Variants in LRP11 observed in about 807,000 individuals in gnomAD.
The protein encoded by LRP11 is low-density lipoprotein receptor-related protein 11.
LRP11 carries 25 observed loss-of-function variants against 43.1 expected under a neutral mutation model. The ratio of observed to expected loss-of-function variants is 0.58; its 90% confidence interval spans 0.42 to 0.81. The LOEUF (loss-of-function observed/expected upper bound fraction) is 0.81, where lower values mean the gene tolerates loss of function less well. Among genes scored for constraint, LRP11 ranks in the 30% least tolerant of loss-of-function variants. The pLI is 0.00. For missense variants in LRP11, 623 were observed against 665.1 expected, an observed-to-expected ratio of 0.94 and a Z score of 0.70; for synonymous variants, 316 against 299.4, an observed-to-expected ratio of 1.06 and a Z score of -0.57.
At chr6:149,844,656 A>G (rs1776604841) in intron 2 of LRP11, among the ~76,000 whole-genome samples, 1 of 152,250 alleles carries the variant, frequency 6.6e-6, no homozygotes, top group Non-Finnish European at 1.5e-5. Flanking sequence ...TGTCCTCTGC[A>G]GAATGCTGAC....
At chr6:149,850,682 T>G (rs1413919696) in intron 2 of LRP11, among the ~76,000 whole-genome samples, 1 of 152,218 alleles carries the variant, frequency 6.6e-6, no homozygotes, top group Non-Finnish European at 1.5e-5. Flanking sequence ...GAAATCTTAT[T>G]TTCTCTAGGG....
In LRP11 at chr6:149,820,469, G is replaced by C; in HGVS notation, c.*80C>G. On this transcript the variant is annotated 3_prime_UTR_variant, in exon 7 of 7. Coordinates refer to ENST00000239367, the MANE Select transcript of LRP11 (RefSeq NM_032832.6). Reference sequence around the variant, plus strand: ...TCTGGCCCAATTAAAAACAAAAGAAGCTGTAAATATCCAGAACTTAATAGA... The same window carrying C: ...TCTGGCCCAATTAAAAACAAAAGAACCTGTAAATATCCAGAACTTAATAGA... 1 of 597,040 alleles carries C rather than the reference G, an allele frequency of 1.7e-6. No individual in the cohort carries two copies. 37.0% of individuals were successfully genotyped at this position (597,040 alleles called of 1,614,324 possible).
In LRP11 at chr6:149,836,067, C is replaced by T; in HGVS notation, c.1252+18G>A. ...AGAAAACAAGGTTCTTCATTGAGAA[C>T]CCACCGTGAATCCTTACCTGGCATC... On this transcript the variant is annotated intron_variant, in intron 5 of 6. Coordinates refer to ENST00000239367, the MANE Select transcript of LRP11 (RefSeq NM_032832.6). The T allele has an allele frequency of 6.2e-7, 1 of 1,607,844 alleles. No individual in the cohort carries two copies.
At chr6:149,849,766 C>T (rs1423009861) in intron 2 of LRP11, among the ~76,000 whole-genome samples, 1 of 152,184 alleles carries the variant, frequency 6.6e-6, no homozygotes, top group African/African-American at 2.4e-5. Context: ...ATGAATGAGA[C>T]AAGTCAGGAA....
intron 2 of LRP11, among the ~76,000 whole-genome samples, chr6:149,848,430 A>T (rs1339610590): frequency 6.6e-6 from 1 of 152,210 alleles, no homozygotes; most frequent in Admixed American, 6.5e-5. Flanking sequence ...ACATGCATGC[A>T]TACGTTCACT....
At chr6:149,846,223 C>T (rs571714238) in intron 2 of LRP11, among the ~76,000 whole-genome samples, 77 of 152,256 alleles carry the variant, frequency 5.1e-4, no homozygotes, top group African/African-American at 1.4e-3. Context: ...GAGAGGTGGG[C>T]GGGTGTGTCA....
chr6:149,862,030 G>A (rs1044317197), intron 1 of LRP11, among the ~76,000 whole-genome samples: 3 of 152,192 alleles, frequency 2.0e-5, no homozygotes, highest in Admixed American at 6.5e-5. Context: ...GGATGTGTGT[G>A]CAACAGCCGT....
Position 149,837,406 on chromosome 6 carries a change from T to C in LRP11, c.971A>G (p.Asp324Gly). 6.2e-7 allele frequency: 1 copy of C among 1,614,086 alleles called. No homozygotes were observed. The part of the protein sequence containing the change: ...HFFCDDGCCI[D>G]ITLACDGVQQ... The stretch of plus-strand genomic sequence containing the variant: ...CACTCCATCGCAGGCGAGCGTGATG[T>C]CAATGCAGCAGCCATCGTCACAGAA... Residue 324 changes from aspartate (D) to glycine (G), a missense_variant, in exon 4 of 7, where the codon GAC (aspartate) becomes GGC (glycine). Asp to Gly is a moderately conservative substitution (Grantham distance 94, BLOSUM62 -1). Coordinates refer to ENST00000239367, the MANE Select transcript of LRP11 (RefSeq NM_032832.6).
intron 5 of LRP11, among the ~76,000 whole-genome samples, chr6:149,831,204 C>T (rs1340726970): frequency 6.6e-6 from 1 of 152,194 alleles, no homozygotes; most frequent in Non-Finnish European, 1.5e-5. Context: ...AGGGAATTGG[C>T]AGCTGGATGG....
chr6:149,821,875 CCAGA>C (rs1776282186), intron 6 of LRP11, among the ~76,000 whole-genome samples: 1 of 152,178 alleles, frequency 6.6e-6, no homozygotes, highest in Non-Finnish European at 1.5e-5. Flanking sequence ...CTTCCATGTG[CCAGA>C]CACTGAGCTA....
rs750149960 is a variant in LRP11 at position 149,863,762 on chromosome 6, C to T, written c.259G>A (p.Glu87Lys). 21 of 1,478,632 alleles carry T rather than the reference C, an allele frequency of 1.4e-5. No individual in the cohort carries two copies. 91.6% of individuals were successfully genotyped at this position (1,478,632 alleles called of 1,614,324 possible). A position where few individuals can be genotyped will look rare whatever the true frequency, so the allele number is the denominator to read the frequency against. ...CCGCTGCCCGGGCCCGGGCAGTCCT[C>T]CTGGGGGCCGCCGCCCGCGCGCAGC... ...LELRAGGGPQ[E>K]DCPGPGSGGY... The change falls in exon 1 of 7, where the codon GAG becomes AAG. Residue 87 changes from glutamate to lysine, a missense_variant. Coordinates refer to ENST00000239367, the MANE Select transcript of LRP11 (RefSeq NM_032832.6).
intron 6 of LRP11, among the ~76,000 whole-genome samples, chr6:149,823,988 G>C (rs956684765): frequency 1.3e-5 from 2 of 152,074 alleles, no homozygotes; most frequent in African/African-American, 2.4e-5. Context: ...GATGAAAGAA[G>C]TTCTGACAAG....
At chr6:149,843,992 T>G (rs925768224) in intron 2 of LRP11, among the ~76,000 whole-genome samples, 1 of 152,180 alleles carries the variant, frequency 6.6e-6, no homozygotes, top group Non-Finnish European at 1.5e-5. Context: ...CGGTGGCTCA[T>G]GCCTGTAATC....
At chr6:149,843,152 C>T (rs774055344) in intron 2 of LRP11, 28 bp from the exon 3 acceptor site, 7 of 1,613,572 alleles carry the variant, frequency 4.3e-6, no homozygotes, top group Admixed American at 1.7e-5. Flanking sequence ...CACATCACGT[C>T]GAGCAGCAGA....
intron 6 of LRP11, among the ~76,000 whole-genome samples, chr6:149,824,904 A>T (rs1287913009): frequency 1.3e-5 from 2 of 152,114 alleles, no homozygotes; most frequent in African/African-American, 4.8e-5. Flanking sequence ...CAGAATAGGC[A>T]ACAGCCAACT....
intron 1 of LRP11, among the ~76,000 whole-genome samples, chr6:149,861,302 TG>T (rs992012951): frequency 5.9e-5 from 9 of 152,210 alleles, no homozygotes; most frequent in African/African-American, 2.2e-4. Flanking sequence ...TACAGGAACC[TG>T]AGCCGCACCT....
intron 5 of LRP11, among the ~76,000 whole-genome samples, chr6:149,832,724 C>T (rs1776424589): frequency 6.6e-6 from 1 of 151,036 alleles, no homozygotes; most frequent in African/African-American, 2.4e-5. Context: ...GGGTTCACAC[C>T]ATTCTCCTGC....
chr6:149,827,607 CAGA>C lies in LRP11; in HGVS notation c.1253-1251_1253-1249del, dbSNP rs753366398. ...TTTCTCCATAAACTCTGAGCTCAGA[CAGA>C]AGGAGAGAGATGAGGAAAGCACAGC... On this transcript the variant is annotated intron_variant, in intron 5 of 6. Coordinates refer to ENST00000239367, the MANE Select transcript of LRP11 (RefSeq NM_032832.6). The surrounding 1 kb of genome is among the most constrained non-coding windows in gnomAD (Gnocchi z 4.2). Among the ~76,000 whole-genome samples, 5 of 152,190 alleles carry C rather than the reference CAGA, an allele frequency of 3.3e-5. No homozygotes were observed. Among genetic ancestry groups the C allele is most frequent in the African/African-American group, 4.8e-5 (2 of 41,458 alleles).
chr6:149,837,469 T>C lies in LRP11; in HGVS notation c.914-6A>G, dbSNP rs1776488908. ...TGAGCAAGTGTGCAAACATCCTATT[T>C]GTAAACAAATCTCAAGTCACACGAG... is the stretch of plus-strand genomic sequence containing the variant. On this transcript the variant is annotated splice_polypyrimidine_tract_variant and splice_region_variant and intron_variant, in intron 3 of 6. Coordinates refer to ENST00000239367, the MANE Select transcript of LRP11 (RefSeq NM_032832.6). The C allele has an allele frequency of 2.5e-6, 4 of 1,612,990 alleles. No homozygotes were observed. The highest frequency in any genetic ancestry group is 1.1e-5 in the South Asian group (1 of 90,924).
Sources: allele counts gnomAD v4.1 joint callset (sites outside exome capture counted in the v4.1 genomes callset), GRCh38; gene constraint gnomAD v4.1.1; non-coding constraint Gnocchi (gnomAD v3.1); transcripts MANE v1.5; gene names NCBI Gene and HGNC (gene_info 2026-07-23, HGNC 2026-07-21).